The following RAB30 variants were observed in gnomAD, a reference collection of about 807,000 sequenced individuals.
The protein encoded by RAB30 is RAB30, member RAS oncogene family, also known as ras-related protein Rab-30.
RAB30 carries 9 observed loss-of-function variants against 25.1 expected under a neutral mutation model. The ratio of observed to expected loss-of-function variants is 0.36; its 90% CI spans 0.22 to 0.63. The LOEUF is 0.63. Ranked by LOEUF, RAB30 falls within the 20% of genes least tolerant of loss-of-function variation. RAB30 has a pLI of 0.69. For synonymous variants in RAB30, 77 were observed against 86.4 expected, an observed-to-expected ratio of 0.89 and a Z score of 0.60; for missense variants, 140 against 243.5, an observed-to-expected ratio of 0.58 and a Z score of 2.83.
intron 1 of RAB30, among the ~76,000 whole-genome samples, chr11:83,004,635 G>A (rs909476601): frequency 2.0e-5 from 3 of 152,162 alleles, no homozygotes. Context: ...GACTGGCACG[G>A]GGGCTCAGCA....
In RAB30 at chr11:83,019,731, G is replaced by A. The variant is rs151272714; in HGVS notation, c.-8-22407C>T. On this transcript the variant is annotated intron_variant, in intron 1 of 4. Coordinates refer to ENST00000527633, the MANE Select transcript of RAB30 (RefSeq NM_001286060.2). ...ATTCTCTGATTCAAATATCAGAGTG[G>A]GAGCAAGAGTACTTTTTTTCAGTAC... 2.2e-3 allele frequency among the ~76,000 whole-genome samples: 329 copies of A among 152,286 alleles called. 2 individuals are homozygous for A. The Middle Eastern group carries it at 0.024, about 11-fold the overall frequency.
intron 1 of RAB30, among the ~76,000 whole-genome samples, chr11:83,025,713 T>C (rs930303220): frequency 6.6e-6 from 1 of 152,160 alleles, no homozygotes. Context: ...AACACTTCTA[T>C]AATAAGAGGG....
At chr11:83,013,748 T>C (rs934127835) in intron 1 of RAB30, among the ~76,000 whole-genome samples, 2 of 152,200 alleles carry the variant, frequency 1.3e-5, no homozygotes, top group African/African-American at 4.8e-5. Flanking sequence ...CAATTAAATA[T>C]AAAATACTGC....
At chr11:82,996,179 A>C (rs12788558) in intron 2 of RAB30, among the ~76,000 whole-genome samples, 12,641 of 152,284 alleles carry the variant, frequency 0.083, 590 homozygotes, top group Middle Eastern at 0.17. Flanking sequence ...TGACATTTCC[A>C]AAGTGACTCT....
chr11:83,000,483 G>A (rs1050783250), intron 1 of RAB30, among the ~76,000 whole-genome samples: 5 of 152,124 alleles, frequency 3.3e-5, no homozygotes, highest in South Asian at 2.1e-4. Flanking sequence ...TAAAACTCAC[G>A]GAAGGCACAT....
Position 83,045,074 on chromosome 11 carries a change from CTA to C in RAB30, c.-9+26615_-9+26616del, listed in dbSNP as rs771282963. 9.6e-4 allele frequency among the ~76,000 whole-genome samples: 146 copies of C among 152,312 alleles called. No homozygotes were observed. In the Middle Eastern group the frequency reaches 0.017, roughly 18 times the overall value. ...TCCTAGCCGAAATCTGCACATTAGC[CTA>C]TCTCATGAAAGGACTAGCCGTCAGC... On this transcript the variant is annotated intron_variant, in intron 1 of 4. Transcript: ENST00000527633.
chr11:83,030,722 G>A (rs555113055), intron 1 of RAB30, among the ~76,000 whole-genome samples: 54 of 151,958 alleles, frequency 3.6e-4, no homozygotes, highest in East Asian at 1.4e-3. Flanking sequence ...GCTTGAACCC[G>A]GGAGGCAGAG....
At chr11:83,059,725 C>T (rs995167100) in intron 1 of RAB30, among the ~76,000 whole-genome samples, 2 of 152,130 alleles carry the variant, frequency 1.3e-5, no homozygotes, top group Admixed American at 6.5e-5. Flanking sequence ...TGCAAAATCT[C>T]GCCTACTTTA....
rs1388424047 is a variant in RAB30, at chr11:82,981,437, G to A, written c.*728C>T. ...TAGTAATGAGACTTTGAGAAAGAGT[G>A]CTGATTCATGGACTTCCCCCATTTT... is the stretch of plus-strand genomic sequence containing the variant. On this transcript the variant is annotated 3_prime_UTR_variant, in exon 5 of 5. Transcript: ENST00000527633. 1.3e-5 allele frequency: 2 copies of A among 152,584 alleles called. No individual in the cohort carries two copies. Among genetic ancestry groups the A allele is most frequent in the African/African-American group, 4.8e-5 (2 of 41,440 alleles). The allele number at this position is 152,584 out of a possible 1,614,324, so 9.5% of individuals were successfully genotyped here.
intron 1 of RAB30, among the ~76,000 whole-genome samples, chr11:83,045,154 G>T (rs926680085): frequency 6.6e-6 from 1 of 152,144 alleles, no homozygotes; most frequent in Non-Finnish European, 1.5e-5. Context: ...CTCATCACCG[G>T]AAGTGTCAAC....
intron 3 of RAB30, among the ~76,000 whole-genome samples, chr11:82,993,432 C>T (rs556694989): frequency 1.3e-5 from 2 of 152,298 alleles, no homozygotes; most frequent in African/African-American, 4.8e-5. Context: ...TAAAAGCACC[C>T]AGCAGAGGCA....
chr11:83,007,563 TA>T (rs1226136413), intron 1 of RAB30, among the ~76,000 whole-genome samples: 3 of 152,172 alleles, frequency 2.0e-5, no homozygotes, highest in African/African-American at 7.2e-5. Flanking sequence ...ACACCTGAAT[TA>T]TCTTCTGGTG....
rs181130502 is a variant in RAB30 at position 83,028,144 on chromosome 11, A to G, written c.-8-30820T>C. On this transcript the variant is annotated intron_variant, in intron 1 of 4. Coordinates refer to ENST00000527633, the MANE Select transcript of RAB30 (RefSeq NM_001286060.2). ...ATTCTCACAAAAATGAAATAAAACT[A>G]CATCCATGAAACAAAAATAGGATGC... is the stretch of plus-strand genomic sequence containing the variant. 4.5e-3 allele frequency among the ~76,000 whole-genome samples: 692 copies of G among 152,350 alleles called. 8 individuals are homozygous for G. Among genetic ancestry groups the G allele is most frequent in the African/African-American group, 0.015 (637 of 41,594 alleles).
At chr11:83,044,111 G>A (rs1858188279) in intron 1 of RAB30, among the ~76,000 whole-genome samples, 1 of 152,010 alleles carries the variant, frequency 6.6e-6, no homozygotes, top group Non-Finnish European at 1.5e-5. Context: ...AAGAAACGTG[G>A]GCAGGTCTTT....
Position 82,982,170 on chromosome 11 carries a change from T to C in RAB30, c.607A>G (p.Asn203Asp). 1.2e-6 allele frequency: 2 copies of C among 1,614,142 alleles called. No homozygotes were observed. The highest frequency in any genetic ancestry group is 1.7e-4 in the Middle Eastern group (1 of 6,060). Residue 203 changes from asparagine to aspartate, a missense_variant, in exon 5 of 5, where the codon AAC (asparagine) becomes GAC (aspartate). Coordinates refer to ENST00000527633, the MANE Select transcript of RAB30 (RefSeq NM_001286060.2). ...SISYLTCCNFN is the reference protein window; with the variant it reads ...SISYLTCCNFD The stretch of plus-strand genomic sequence containing the variant: ...TCTTCTCCGTGCCTCAGCCTTTAGT[T>C]GAAATTACAACAAGTCAAATAGCTG...
At chr11:83,024,480 G>T (rs776281100) in intron 1 of RAB30, among the ~76,000 whole-genome samples, 2 of 152,186 alleles carry the variant, frequency 1.3e-5, no homozygotes, top group Admixed American at 6.5e-5. Flanking sequence ...GCAGTTTTAT[G>T]GAAGGCAATG....
In RAB30 at chr11:82,976,619, C is replaced by T. The variant is rs777942619; in HGVS notation, c.*5546G>A. On this transcript the variant is annotated 3_prime_UTR_variant, in exon 5 of 5. Transcript: ENST00000527633. Reference sequence around the variant, plus strand: ...CCTCAAGAAGTCAAAGAAGTGGTGACTAGCCTTTGTGCTCTGACCTCTTGT... The same window carrying T: ...CCTCAAGAAGTCAAAGAAGTGGTGATTAGCCTTTGTGCTCTGACCTCTTGT... 4.6e-5 allele frequency: 7 copies of T among 152,174 alleles called. No homozygotes were observed. Among genetic ancestry groups the T allele is most frequent in the Admixed American group, 1.3e-4 (2 of 15,272 alleles). 9.4% of individuals were successfully genotyped at this position (152,174 alleles called of 1,614,324 possible).
intron 1 of RAB30, among the ~76,000 whole-genome samples, chr11:83,011,008 A>T (rs1434395163): frequency 6.6e-6 from 1 of 152,278 alleles, no homozygotes; most frequent in Non-Finnish European, 1.5e-5. Context: ...GACTGCAGCT[A>T]TGAAAAATAC....
intron 1 of RAB30, among the ~76,000 whole-genome samples, chr11:83,025,941 C>A (rs1312587399): frequency 6.6e-6 from 1 of 152,178 alleles, no homozygotes; most frequent in Non-Finnish European, 1.5e-5. Flanking sequence ...ATAATCCCAG[C>A]ACTTTGGGAA....
Sources: gnomAD v4.1 joint callset for allele counts (sites outside exome capture counted in the v4.1 genomes callset) on GRCh38, gnomAD v4.1.1 for gene constraint, MANE v1.5 for transcripts, NCBI Gene and HGNC (gene_info 2026-07-23, HGNC 2026-07-21) for gene names.